The following RAB27A variants were observed in gnomAD, a reference collection of about 807,000 sequenced individuals.
The protein encoded by RAB27A is ras-related protein Rab-27A.
RAB27A carries 17 observed loss-of-function variants against 20.8 expected under a neutral mutation model. The observed-to-expected ratio is 0.82, with a 90% CI of 0.56 to 1.23. The LOEUF (loss-of-function observed/expected upper bound fraction) is 1.23. RAB27A is among the 50% of genes most tolerant of loss of function. RAB27A has a pLI of 0.00. For synonymous variants in RAB27A, 85 were observed against 92.8 expected (o/e 0.92, Z 0.48); for missense variants, 277 against 266.7 (o/e 1.04, Z -0.27).
intron 2 of RAB27A, among the ~76,000 whole-genome samples, chr15:55,257,163 T>A (rs1442087621): frequency 1.3e-5 from 2 of 151,998 alleles, no homozygotes; most frequent in Admixed American, 6.6e-5. Context: ...AGAGTTGGAA[T>A]GGGCATAAGG....
rs1397388560 is a variant in RAB27A at position 55,204,087 on chromosome 15, C to T, written c.*1420G>A. 6.6e-6 allele frequency: 1 copy of T among 152,040 alleles called. No homozygotes were observed. The highest frequency in any genetic ancestry group is 6.6e-5 in the Admixed American group (1 of 15,266). The allele number at this position is 152,040 out of a possible 1,614,324, so 9.4% of individuals were successfully genotyped here. A position where few individuals can be genotyped will look rare whatever the true frequency, so the allele number is the denominator to read the frequency against. Reference sequence around the variant, plus strand: ...ACCAAACATTTGCCACCACAAAATACAAGTATTTTTATTCTTTATTTAAAT... The same window carrying T: ...ACCAAACATTTGCCACCACAAAATATAAGTATTTTTATTCTTTATTTAAAT... On this transcript the variant is annotated 3_prime_UTR_variant, in exon 7 of 7. Coordinates refer to ENST00000336787, the MANE Select transcript of RAB27A (RefSeq NM_183235.3).
intron 1 of RAB27A, among the ~76,000 whole-genome samples, chr15:55,271,405 T>G (rs1015970117): frequency 6.6e-6 from 1 of 152,210 alleles, no homozygotes; most frequent in East Asian, 1.9e-4. Context: ...AATCAGAAAT[T>G]CTGAGGATAG....
chr15:55,306,530 C>G (rs1028479125), intron 2 of RAB27A, among the ~76,000 whole-genome samples: 3 of 152,144 alleles, frequency 2.0e-5, no homozygotes, highest in Admixed American at 1.3e-4. Flanking sequence ...TTGAACTCCA[C>G]CCCTATCAGA....
At chr15:55,223,005 GCT>G (rs1219523847) in intron 6 of RAB27A, among the ~76,000 whole-genome samples, 1 of 152,036 alleles carries the variant, frequency 6.6e-6, no homozygotes, top group Admixed American at 6.6e-5. Flanking sequence ...TGCTGCTGCT[GCT>G]GCTGCTATGA....
chr15:55,205,442 G>A lies in RAB27A; in HGVS notation c.*65C>T. 2 of 1,497,256 alleles carry A rather than the reference G, an allele frequency of 1.3e-6. No individual in the cohort carries two copies. Among genetic ancestry groups the A allele is most frequent in the Admixed American group, 1.7e-5 (1 of 59,860 alleles). The allele number at this position is 1,497,256 out of a possible 1,614,324, so 92.7% of individuals were successfully genotyped here. A position where few individuals can be genotyped will look rare whatever the true frequency, so the allele number is the denominator to read the frequency against. Reference sequence around the variant, plus strand: ...GCCCATTAATCTCTCACTGTGCCATGTATCAATCATAGAGAAGATCCCAGG... The same window carrying A: ...GCCCATTAATCTCTCACTGTGCCATATATCAATCATAGAGAAGATCCCAGG... On this transcript the variant is annotated 3_prime_UTR_variant, in exon 7 of 7. Coordinates refer to ENST00000336787, the MANE Select transcript of RAB27A (RefSeq NM_183235.3).
chr15:55,301,894 C>A (rs1320240816), intron 2 of RAB27A, among the ~76,000 whole-genome samples: 1 of 152,034 alleles, frequency 6.6e-6, no homozygotes, highest in Non-Finnish European at 1.5e-5. Context: ...GATCCACCCA[C>A]CTCTGCCTCC....
chr15:55,250,572 A>C (rs1747782344), intron 2 of RAB27A, among the ~76,000 whole-genome samples: 1 of 152,236 alleles, frequency 6.6e-6, no homozygotes, highest in East Asian at 1.9e-4. Flanking sequence ...ATGTTTCAGC[A>C]GATGTTTGCT....
intron 2 of RAB27A, among the ~76,000 whole-genome samples, chr15:55,265,097 C>T (rs1897415134): frequency 6.6e-6 from 1 of 152,118 alleles, no homozygotes; most frequent in Admixed American, 6.6e-5. Flanking sequence ...ACAAAATTAG[C>T]CGGGCGTGGC....
At chr15:55,210,068 G>C (rs535140935) in intron 6 of RAB27A, among the ~76,000 whole-genome samples, 1 of 132,870 alleles carries the variant, frequency 7.5e-6, no homozygotes, top group African/African-American at 3.2e-5. Flanking sequence ...ATATGTGTGT[G>C]TACATATACA....
At chr15:55,222,507 T>C (rs944588174) in intron 6 of RAB27A, among the ~76,000 whole-genome samples, 1 of 152,154 alleles carries the variant, frequency 6.6e-6, no homozygotes, top group Non-Finnish European at 1.5e-5. Flanking sequence ...CATCCCTCCA[T>C]GCTCAAAGGC....
chr15:55,299,698 G>C (rs1834161476), intron 2 of RAB27A, among the ~76,000 whole-genome samples: 1 of 152,018 alleles, frequency 6.6e-6, no homozygotes, highest in Non-Finnish European at 1.5e-5. Flanking sequence ...TATGATTCTG[G>C]ATTAGTTCTG....
At chr15:55,218,487 T>C (rs1485527876) in intron 6 of RAB27A, among the ~76,000 whole-genome samples, 1 of 152,236 alleles carries the variant, frequency 6.6e-6, no homozygotes, top group Non-Finnish European at 1.5e-5. Context: ...CCGCATTTCA[T>C]CTAGTTCAAA....
intron 6 of RAB27A, among the ~76,000 whole-genome samples, chr15:55,221,362 T>A (rs1895560915): frequency 6.6e-6 from 1 of 152,136 alleles, no homozygotes; most frequent in South Asian, 2.1e-4. Flanking sequence ...ATCACTTACT[T>A]CCTCCTTACC....
At chr15:55,206,210 A>G (rs943043647) in intron 6 of RAB27A, 19 of 542,438 alleles carry the variant, frequency 3.5e-5, no homozygotes, top group African/African-American at 4.1e-5. Flanking sequence ...GACTGTCTCA[A>G]AAAAAATCAA....
rs780596696 is a variant in RAB27A at position 55,235,070 on chromosome 15, C to T, written c.-22-114G>A. The stretch of plus-strand genomic sequence containing the variant: ...CACCTAATGTTAACCTGTATGTCTA[C>T]GGGTTGTATGAAAAGAGAGTTACAT... On this transcript the variant is annotated intron_variant, in intron 2 of 6. Transcript: ENST00000336787. 4.1e-4 allele frequency: 343 copies of T among 846,256 alleles called. 1 individual carries two copies. In the African/African-American group the frequency reaches 5.1e-3, roughly 12 times the overall value. 52.4% of individuals were successfully genotyped at this position (846,256 alleles called of 1,614,324 possible). A position where few individuals can be genotyped will look rare whatever the true frequency, so the allele number is the denominator to read the frequency against.
At chr15:55,209,355 C>A (rs1332180616) in intron 6 of RAB27A, among the ~76,000 whole-genome samples, 7 of 152,158 alleles carry the variant, frequency 4.6e-5, no homozygotes, top group Non-Finnish European at 1.0e-4. Context: ...ATGAGATCCA[C>A]CTTTGTAGCT....
intron 2 of RAB27A, chr15:55,248,985 A>G (rs1803946720): frequency 6.6e-6 from 1 of 152,190 alleles, no homozygotes; most frequent in African/African-American, 2.4e-5. Context: ...TATATTTCTT[A>G]TTGCTTCTCA....
rs1442989179 is a variant in RAB27A, at chr15:55,205,486, CT to C, written c.*20del. On this transcript the variant is annotated 3_prime_UTR_variant, in exon 7 of 7. Coordinates refer to ENST00000336787, the MANE Select transcript of RAB27A (RefSeq NM_183235.3). ...TCCCAGGCATGGGCCACCTGAACTACTATGTCGCTTACTTGACTTCTCAACA... is the reference window on the plus strand; with the variant it reads ...TCCCAGGCATGGGCCACCTGAACTACATGTCGCTTACTTGACTTCTCAACA... 2.5e-6 allele frequency: 4 copies of C among 1,609,134 alleles called. No homozygotes were observed. The highest frequency in any genetic ancestry group is 1.7e-4 in the Middle Eastern group (1 of 6,052).
intron 5 of RAB27A, among the ~76,000 whole-genome samples, chr15:55,226,350 A>G (rs1895794121): frequency 6.6e-6 from 1 of 152,122 alleles, no homozygotes; most frequent in African/African-American, 2.4e-5. Flanking sequence ...TCAAGAGGGC[A>G]TGGAGAGATT....
Sources: allele counts gnomAD v4.1 joint callset (sites outside exome capture counted in the v4.1 genomes callset), GRCh38; gene constraint gnomAD v4.1.1; transcripts MANE v1.5; gene names NCBI Gene and HGNC (gene_info 2026-07-23, HGNC 2026-07-21).